PPM1L: variants seen among roughly 807,000 people sequenced by gnomAD.
The protein encoded by PPM1L is protein phosphatase 1L.
A neutral mutation model predicts 31.4 loss-of-function variants in PPM1L; 13 were observed. That is an observed-to-expected ratio of 0.41 (90% CI 0.27 to 0.66). PPM1L has a LOEUF of 0.66. PPM1L is among the 30% of genes least tolerant of loss of function. The pLI is 0.29. For missense variants in PPM1L, 326 were observed against 453.7 expected (o/e 0.72, Z 2.56); for synonymous variants, 184 against 175.4 (o/e 1.05, Z -0.39).
At chr3:161,000,007 G>A (rs1466467997) in intron 2 of PPM1L, among the ~76,000 whole-genome samples, 1 of 152,144 alleles carries the variant, frequency 6.6e-6, no homozygotes, top group Non-Finnish European at 1.5e-5. Context: ...AGATACTGCA[G>A]AGCTGGAATT....
Position 160,756,293 on chromosome 3 carries a change from G to C in PPM1L, c.-16G>C. The C allele has an allele frequency of 3.8e-6, 6 of 1,594,864 alleles. No homozygotes were observed. Among genetic ancestry groups the C allele is most frequent in the South Asian group, 1.1e-5 (1 of 88,566 alleles). On this transcript the variant is annotated 5_prime_UTR_variant, in exon 1 of 4. Coordinates refer to ENST00000498165, the MANE Select transcript of PPM1L (RefSeq NM_139245.4). The surrounding 1 kb of genome is among the most constrained non-coding windows in gnomAD (Gnocchi z 6.2). ...GCGCGCGTCGCTGGTGGTGGTTGAG[G>C]CTCTAGCGATAATAAATGATAGAGG...
intron 2 of PPM1L, among the ~76,000 whole-genome samples, chr3:161,012,479 C>G (rs535455459): frequency 2.1e-4 from 32 of 151,780 alleles, no homozygotes; most frequent in Non-Finnish European, 3.8e-4. Flanking sequence ...CTAAAATTCT[C>G]TTTTTTGGTT....
Position 161,076,836 on chromosome 3 carries a change from T to C in PPM1L, c.*7679T>C, listed in dbSNP as rs1384338417. The C allele has an allele frequency of 2.0e-5, 3 of 152,164 alleles. No individual in the cohort carries two copies. Among genetic ancestry groups the C allele is most frequent in the African/African-American group, 7.2e-5 (3 of 41,386 alleles). 9.4% of individuals were successfully genotyped at this position (152,164 alleles called of 1,614,324 possible). ...ACTCTGCTCACATACATAATTTGTA[T>C]AAGGAAAATGTATGAGTTTTTTTCT... is the stretch of plus-strand genomic sequence containing the variant. On this transcript the variant is annotated 3_prime_UTR_variant, in exon 4 of 4. Transcript: ENST00000498165.
chr3:160,814,700 TGTGTATATATATGTGTATGTATAC>T, intron 1 of PPM1L, among the ~76,000 whole-genome samples: 1 of 100,802 alleles, frequency 9.9e-6, no homozygotes, highest in South Asian at 2.7e-4. Context: ...CATACGTATA[TGTGTATATATATGTGTATGTATAC>T]GTGTATATAT....
chr3:160,910,217 T>G (rs1276519503), intron 1 of PPM1L, among the ~76,000 whole-genome samples: 2 of 84,498 alleles, frequency 2.4e-5, no homozygotes, highest in Non-Finnish European at 4.4e-5. Flanking sequence ...CCCTTTCCCC[T>G]TCCCCTTTCC....
intron 1 of PPM1L, among the ~76,000 whole-genome samples, chr3:160,852,306 CA>C (rs967899511): frequency 4.8e-4 from 72 of 149,230 alleles, no homozygotes; most frequent in African/African-American, 1.6e-3. Context: ...GTTACAAAAA[CA>C]AAAAAAAATA....
rs181332632 is a variant in PPM1L, at chr3:160,935,910, C to A, written c.400-25826C>A. On this transcript the variant is annotated intron_variant, in intron 1 of 3. Transcript: ENST00000498165. ...ATCCCAGCTGCTGTGTCCTCAGCCACCATTGGTCTCTCAGGCCTGCATCTG... is the reference window on the plus strand; with the variant it reads ...ATCCCAGCTGCTGTGTCCTCAGCCAACATTGGTCTCTCAGGCCTGCATCTG... Among the ~76,000 whole-genome samples, 12 of 152,268 alleles carry A rather than the reference C, an allele frequency of 7.9e-5. No individual in the cohort carries two copies. The East Asian group carries it at 2.1e-3, about 27-fold the overall frequency.
At chr3:161,042,634 A>C (rs540274039) in intron 2 of PPM1L, among the ~76,000 whole-genome samples, 1 of 152,308 alleles carries the variant, frequency 6.6e-6, no homozygotes, top group East Asian at 1.9e-4. Flanking sequence ...TTATTAAAGA[A>C]CTCCAATAAG....
At chr3:160,941,414 A>G (rs1162027346) in intron 1 of PPM1L, among the ~76,000 whole-genome samples, 1 of 152,152 alleles carries the variant, frequency 6.6e-6, no homozygotes, top group Non-Finnish European at 1.5e-5. Flanking sequence ...CTTGAATTGT[A>G]TCTCCCAGAA....
intron 2 of PPM1L, among the ~76,000 whole-genome samples, chr3:161,020,692 T>C (rs1011015886): frequency 6.6e-6 from 1 of 152,202 alleles, no homozygotes; most frequent in African/African-American, 2.4e-5. Context: ...TTTTTCTTTA[T>C]GGGAAGCTTT....
intron 2 of PPM1L, among the ~76,000 whole-genome samples, chr3:160,966,277 A>G (rs957399017): frequency 1.3e-5 from 2 of 152,132 alleles, no homozygotes; most frequent in Admixed American, 1.3e-4. Context: ...TTAAAATGTT[A>G]TACTTTAATT....
intron 1 of PPM1L, among the ~76,000 whole-genome samples, chr3:160,809,985 G>T (rs185248098): frequency 1.2e-3 from 187 of 152,152 alleles, no homozygotes; most frequent in Middle Eastern, 3.4e-3. Context: ...GTTTGTAATG[G>T]TTATATGATA....
At chr3:160,910,938 T>G (rs923269181) in intron 1 of PPM1L, among the ~76,000 whole-genome samples, 2 of 152,214 alleles carry the variant, frequency 1.3e-5, no homozygotes, top group Non-Finnish European at 2.9e-5. Context: ...GAACTGAAGT[T>G]TGACCTTATC....
intron 1 of PPM1L, among the ~76,000 whole-genome samples, chr3:160,850,195 T>C (rs1560125909): frequency 6.6e-6 from 1 of 152,178 alleles, no homozygotes; most frequent in African/African-American, 2.4e-5. Flanking sequence ...ACTTTACTTA[T>C]GTTTACCTGT....
intron 2 of PPM1L, among the ~76,000 whole-genome samples, chr3:161,015,529 A>G (rs1422784571): frequency 6.6e-6 from 1 of 152,200 alleles, no homozygotes; most frequent in Non-Finnish European, 1.5e-5. Context: ...AAATCCCTGG[A>G]GTTATTTCTG....
chr3:161,025,173 A>G (rs1718343451), intron 2 of PPM1L, among the ~76,000 whole-genome samples: 4 of 152,132 alleles, frequency 2.6e-5, no homozygotes, highest in African/African-American at 9.7e-5. Context: ...ACCAAAACTG[A>G]GGTGTTGCCT....
intron 1 of PPM1L, among the ~76,000 whole-genome samples, chr3:160,863,236 T>C (rs938519679): frequency 1.3e-5 from 2 of 152,190 alleles, no homozygotes; most frequent in Non-Finnish European, 2.9e-5. Context: ...ATTTTTAAAA[T>C]ACAGACTTGG....
rs2108113612 is a variant in PPM1L at position 161,069,420 on chromosome 3, A to G, written c.*263A>G. 2.1e-6 allele frequency: 1 copy of G among 477,456 alleles called. No individual in the cohort carries two copies. 29.6% of individuals were successfully genotyped at this position (477,456 alleles called of 1,614,324 possible). ...AAAATATATAAGTAAATAGCTGTAGAGTCACATATATGAAGTGAATAGCAT... is the reference window on the plus strand; with the variant it reads ...AAAATATATAAGTAAATAGCTGTAGGGTCACATATATGAAGTGAATAGCAT... On this transcript the variant is annotated 3_prime_UTR_variant, in exon 4 of 4. Coordinates refer to ENST00000498165, the MANE Select transcript of PPM1L (RefSeq NM_139245.4).
chr3:160,828,277 G>A (rs2108095631), intron 1 of PPM1L, among the ~76,000 whole-genome samples: 1 of 152,158 alleles, frequency 6.6e-6, no homozygotes, highest in South Asian at 2.1e-4. Flanking sequence ...TGTATTCCAT[G>A]CCTTGCTTGA....
Sources: allele counts gnomAD v4.1 joint callset (sites outside exome capture counted in the v4.1 genomes callset), GRCh38; gene constraint gnomAD v4.1.1; non-coding constraint Gnocchi (gnomAD v3.1); transcripts MANE v1.5; gene names NCBI Gene and HGNC (gene_info 2026-07-23, HGNC 2026-07-21).